KIRREL3: variants seen among roughly 807,000 people sequenced by gnomAD.
The protein encoded by KIRREL3 is kirre like nephrin family adhesion molecule 3.
KIRREL3 carries 36 observed loss-of-function variants against 89.7 expected under a neutral mutation model. That is an observed-to-expected ratio of 0.40 (90% CI 0.31 to 0.53). KIRREL3 has a LOEUF of 0.53. Ranked by LOEUF, KIRREL3 falls within the 20% of genes least tolerant of loss-of-function variation. The pLI is 0.49. For synonymous variants in KIRREL3, 445 were observed against 441.4 expected, an observed-to-expected ratio of 1.01 and a Z score of -0.10; for missense variants, 864 against 1,056.6, an observed-to-expected ratio of 0.82 and a Z score of 2.53.
intron 1 of KIRREL3, among the ~76,000 whole-genome samples, chr11:126,828,980 T>C (rs560326401): frequency 1.3e-5 from 2 of 152,244 alleles, no homozygotes; most frequent in South Asian, 4.2e-4. Flanking sequence ...CTGTGATTCC[T>C]CTGGACCTCT....
At chr11:126,746,497 G>T (rs978903302) in intron 1 of KIRREL3, among the ~76,000 whole-genome samples, 1 of 152,060 alleles carries the variant, frequency 6.6e-6, no homozygotes, top group African/African-American at 2.4e-5. Context: ...CAGATGACTT[G>T]CCAGACATCT....
chr11:126,846,931 C>T (rs1447408836), intron 1 of KIRREL3, among the ~76,000 whole-genome samples: 1 of 151,540 alleles, frequency 6.6e-6, no homozygotes, highest in Non-Finnish European at 1.5e-5. Context: ...TACAGTTTTT[C>T]CATAAATTAA....
chr11:126,972,313 G>T (rs1949448399), intron 1 of KIRREL3, among the ~76,000 whole-genome samples: 2 of 152,076 alleles, frequency 1.3e-5, no homozygotes, highest in African/African-American at 2.4e-5. Context: ...TTCCTAGATT[G>T]GGGGTAAATT....
At position 126,934,178 on chromosome 11, in the gene KIRREL3, A is replaced by AT. The variant is rs910477036; in HGVS notation, c.55+66276dup. ...CAGAATTAAGCTCTTATATTTAGGG[A>AT]TTTTTTTAAAGAAGGTATCAAGATA... On this transcript the variant is annotated intron_variant, in intron 1 of 16. Transcript: ENST00000525144. Among the ~76,000 whole-genome samples the AT allele has an allele frequency of 1.1e-3, 171 of 152,248 alleles. No homozygotes were observed. The Middle Eastern group carries it at 0.014, about 12-fold the overall frequency.
At chr11:126,631,226 ACAGATCTCTAG>A (rs1203581421) in intron 1 of KIRREL3, among the ~76,000 whole-genome samples, 1 of 152,156 alleles carries the variant, frequency 6.6e-6, no homozygotes, top group Admixed American at 6.5e-5. Context: ...ATTCATTCTC[ACAGATCTCTAG>A]CAGATCTCTA....
intron 16 of KIRREL3, 68 bp from the exon 17 acceptor site, chr11:126,425,091 G>A: frequency 7.2e-7 from 1 of 1,380,370 alleles, no homozygotes; most frequent in Non-Finnish European, 9.7e-7. Context: ...GGGGTTTCCA[G>A]GCTGAGCCCG....
At position 126,769,091 on chromosome 11, in the gene KIRREL3, G is replaced by T. The variant is rs1820724587; in HGVS notation, c.56-206179C>A. On this transcript the variant is annotated intron_variant, in intron 1 of 16. Transcript: ENST00000525144. This position sits in a 1 kb window ranked among gnomAD's most constrained non-coding sequence, Gnocchi z 4.3. ...TCTTGTTTACCTGTCAGACTCCTCG[G>T]GGCCTTTGAGCTCTAAGTCAGGTAT... Among the ~76,000 whole-genome samples, 1 of 152,128 alleles carries T rather than the reference G, an allele frequency of 6.6e-6. No homozygotes were observed. The highest frequency in any genetic ancestry group is 1.5e-5 in the Non-Finnish European group (1 of 68,012).
In KIRREL3 at chr11:126,456,039, G is replaced by GTTTTTTTTTTTTTTTTT. The variant is rs745805898; in HGVS notation, c.848+293_848+309dup. On this transcript the variant is annotated intron_variant, in intron 7 of 16. Transcript: ENST00000525144. ...GTTGTTCTGGTTTTTTTTTGTTTTC[G>GTTTTTTTTTTTTTTTTT]TTTTTTTTTTTTTTTTTTCCTGAGC... 1.2e-4 allele frequency among the ~76,000 whole-genome samples: 8 copies of GTTTTTTTTTTTTTTTTT among 68,312 alleles called. 2 individuals carry two copies. Among genetic ancestry groups the GTTTTTTTTTTTTTTTTT allele is most frequent in the African/African-American group, 4.3e-4 (7 of 16,328 alleles). 44.8% of individuals were successfully genotyped at this position (68,312 alleles called of 152,430 possible).
Position 126,570,030 on chromosome 11 carries a change from T to G in KIRREL3, c.56-7118A>C, listed in dbSNP as rs1241100578. Among the ~76,000 whole-genome samples, 1 of 152,180 alleles carries G rather than the reference T, an allele frequency of 6.6e-6. No individual in the cohort carries two copies. Among genetic ancestry groups the G allele is most frequent in the Non-Finnish European group, 1.5e-5 (1 of 68,032 alleles). ...ATACATCATGCAAAGATCATAATTTTCTGATCAACCTCTATCATAAAGAGG... is the reference window on the plus strand; with the variant it reads ...ATACATCATGCAAAGATCATAATTTGCTGATCAACCTCTATCATAAAGAGG... On this transcript the variant is annotated intron_variant, in intron 1 of 16. Transcript: ENST00000525144. The surrounding 1 kb of genome is among the most constrained non-coding windows in gnomAD (Gnocchi z 6.1).
At chr11:126,511,047 CTGTGTGTGTG>C (rs55885385) in intron 4 of KIRREL3, among the ~76,000 whole-genome samples, 5,370 of 142,232 alleles carry the variant, frequency 0.038, 389 homozygotes, top group African/African-American at 0.14. Context: ...ATCTGCAGTG[CTGTGTGTGTG>C]TGTGTGTGTG....
chr11:126,896,547 T>C lies in KIRREL3; in HGVS notation c.55+103908A>G, dbSNP rs1946165020. Among the ~76,000 whole-genome samples, 1 of 152,226 alleles carries C rather than the reference T, an allele frequency of 6.6e-6. No homozygotes were observed. The highest frequency in any genetic ancestry group is 2.4e-5 in the African/African-American group (1 of 41,468). ...AGAAGCAGGAGAGCTAAGGGTATCC[T>C]AGTGAATGGAATGATGATGCAAATA... is the stretch of plus-strand genomic sequence containing the variant. On this transcript the variant is annotated intron_variant, in intron 1 of 16. Coordinates refer to ENST00000525144, the MANE Select transcript of KIRREL3 (RefSeq NM_032531.4). This position sits in a 1 kb window ranked among gnomAD's most constrained non-coding sequence, Gnocchi z 4.1.
At position 126,788,209 on chromosome 11, in the gene KIRREL3, G is replaced by A. The variant is rs375724006; in HGVS notation, c.55+212246C>T. Among the ~76,000 whole-genome samples the A allele has an allele frequency of 3.2e-4, 48 of 152,202 alleles. No individual in the cohort carries two copies. The highest frequency in any genetic ancestry group is 4.3e-4 in the African/African-American group (18 of 41,450). ...CAAATGCACAATCTGGAAGGAAATC[G>A]TTTCTAACCATCTCTTTTTCATTCC... is the stretch of plus-strand genomic sequence containing the variant. On this transcript the variant is annotated intron_variant, in intron 1 of 16. Transcript: ENST00000525144. This position sits in a 1 kb window ranked among gnomAD's most constrained non-coding sequence, Gnocchi z 4.1.
chr11:126,927,000 G>T (rs1273132391), intron 1 of KIRREL3, among the ~76,000 whole-genome samples: 5 of 152,306 alleles, frequency 3.3e-5, no homozygotes, highest in Admixed American at 2.0e-4. Flanking sequence ...AACAGCTAAG[G>T]CATGATGCAG....
In KIRREL3 at chr11:126,643,545, C is replaced by T. The variant is rs538969772; in HGVS notation, c.56-80633G>A. 3.9e-5 allele frequency among the ~76,000 whole-genome samples: 6 copies of T among 152,204 alleles called. No homozygotes were observed. Among genetic ancestry groups the T allele is most frequent in the Admixed American group, 2.0e-4 (3 of 15,302 alleles). On this transcript the variant is annotated intron_variant, in intron 1 of 16. Transcript: ENST00000525144. The surrounding 1 kb of genome is among the most constrained non-coding windows in gnomAD (Gnocchi z 4.5). ...ATAGGACTGAAGATGTAGGCTGAGGCGATATCATGGCAAATCTTTATCTCT... is the reference window on the plus strand; with the variant it reads ...ATAGGACTGAAGATGTAGGCTGAGGTGATATCATGGCAAATCTTTATCTCT...
In KIRREL3 at chr11:126,776,822, G is replaced by C. The variant is rs956491956; in HGVS notation, c.56-213910C>G. 6.6e-6 allele frequency among the ~76,000 whole-genome samples: 1 copy of C among 152,190 alleles called. No homozygotes were observed. The highest frequency in any genetic ancestry group is 2.4e-5 in the African/African-American group (1 of 41,450). ...TTCAGAGGAGCCCTGAGAGATGGGG[G>C]CTCATACCCAGCCAGCAGTGTCCCA... On this transcript the variant is annotated intron_variant, in intron 1 of 16. Transcript: ENST00000525144. The surrounding 1 kb of genome is among the most constrained non-coding windows in gnomAD (Gnocchi z 4.7).
In KIRREL3 at chr11:126,976,475, A is replaced by G. The variant is rs1949580931; in HGVS notation, c.55+23980T>C. Among the ~76,000 whole-genome samples, 1 of 152,076 alleles carries G rather than the reference A, an allele frequency of 6.6e-6. No homozygotes were observed. Among genetic ancestry groups the G allele is most frequent in the African/African-American group, 2.4e-5 (1 of 41,396 alleles). On this transcript the variant is annotated intron_variant, in intron 1 of 16. Coordinates refer to ENST00000525144, the MANE Select transcript of KIRREL3 (RefSeq NM_032531.4). The surrounding 1 kb of genome is among the most constrained non-coding windows in gnomAD (Gnocchi z 4.2). Reference sequence around the variant, plus strand: ...TGTTTCTGAATCTACTGTCATCTACAATTTTACTTTTTTAAAAAGTGTGAC... The same window carrying G: ...TGTTTCTGAATCTACTGTCATCTACGATTTTACTTTTTTAAAAAGTGTGAC...
rs1179024214 is a variant in KIRREL3 at position 126,904,505 on chromosome 11, A to G, written c.55+95950T>C. ...GTCAGAAAATCTTTTATGAATTAGAAGTCATTCCTAATAACATTTCCTTAA... is the reference window on the plus strand; with the variant it reads ...GTCAGAAAATCTTTTATGAATTAGAGGTCATTCCTAATAACATTTCCTTAA... On this transcript the variant is annotated intron_variant, in intron 1 of 16. Transcript: ENST00000525144. This position sits in a 1 kb window ranked among gnomAD's most constrained non-coding sequence, Gnocchi z 4.4. 6.6e-6 allele frequency among the ~76,000 whole-genome samples: 1 copy of G among 152,232 alleles called. No homozygotes were observed. The highest frequency in any genetic ancestry group is 1.5e-5 in the Non-Finnish European group (1 of 68,052).
chr11:126,957,230 T>G (rs1360962755), intron 1 of KIRREL3, among the ~76,000 whole-genome samples: 19 of 152,228 alleles, frequency 1.2e-4, no homozygotes, highest in Admixed American at 1.2e-3. Context: ...CCTCTGACTC[T>G]CTGGCTGCTC....
At position 126,843,427 on chromosome 11, in the gene KIRREL3, G is replaced by A. The variant is rs968492235; in HGVS notation, c.55+157028C>T. Among the ~76,000 whole-genome samples, 1 of 152,072 alleles carries A rather than the reference G, an allele frequency of 6.6e-6. No homozygotes were observed. The highest frequency in any genetic ancestry group is 6.5e-5 in the Admixed American group (1 of 15,276). ...AGTGGGTGAGCTCACTCACTCTGCC[G>A]TATATCCTACTGGGGAGAAACTCCA... On this transcript the variant is annotated intron_variant, in intron 1 of 16. Transcript: ENST00000525144. The surrounding 1 kb of genome is among the most constrained non-coding windows in gnomAD (Gnocchi z 4.6).
Sources: allele counts gnomAD v4.1 joint callset (sites outside exome capture counted in the v4.1 genomes callset), GRCh38; gene constraint gnomAD v4.1.1; non-coding constraint Gnocchi (gnomAD v3.1); transcripts MANE v1.5; gene names NCBI Gene and HGNC (gene_info 2026-07-23, HGNC 2026-07-21).